The following CYP20A1 variants were observed in gnomAD, a reference collection of about 807,000 sequenced individuals.
The protein encoded by CYP20A1 is cytochrome P450 20A1.
Under a neutral mutation model 61.4 loss-of-function variants are expected in CYP20A1, and 61 were observed. The ratio of observed to expected loss-of-function variants is 0.99; its 90% CI spans 0.81 to 1.23. CYP20A1 has a LOEUF of 1.23. Among genes scored for constraint, CYP20A1 ranks in the 50% most tolerant of loss-of-function variants. The pLI is 0.00. For missense variants in CYP20A1, 530 were observed against 542.4 expected (o/e 0.98, Z 0.23); for synonymous variants, 193 against 188.2 (o/e 1.03, Z -0.21).
intron 1 of CYP20A1, 43 bp from the exon 2 acceptor site, chr2:203,245,803 G>A: frequency 1.6e-6 from 2 of 1,226,032 alleles, no homozygotes; most frequent in South Asian, 2.6e-5. Context: ...TCTGACTTAT[G>A]GGATATATGA....
chr2:203,288,812 A>G (rs921596895), intron 9 of CYP20A1, among the ~76,000 whole-genome samples: 8 of 152,212 alleles, frequency 5.3e-5, no homozygotes, highest in East Asian at 3.8e-4. Context: ...GTGACACACA[A>G]CTTACCTGCT....
intron 11 of CYP20A1, among the ~76,000 whole-genome samples, chr2:203,295,220 C>T (rs1411103503): frequency 6.6e-6 from 1 of 151,804 alleles, no homozygotes; most frequent in South Asian, 2.1e-4. Flanking sequence ...GCTGGGATTA[C>T]AGGCGTGAGC....
chr2:203,290,327 A>C lies in CYP20A1; in HGVS notation c.1083+451A>C, dbSNP rs112871427. 7.4e-4 allele frequency among the ~76,000 whole-genome samples: 112 copies of C among 152,342 alleles called. 2 individuals are homozygous for C. The highest frequency in any genetic ancestry group is 3.4e-3 in the Middle Eastern group (1 of 294). The stretch of plus-strand genomic sequence containing the variant: ...ACACAATTATTTTAGTTACAAAATA[A>C]TATGTGCTTGTTTTAAAGTTCAAGC... On this transcript the variant is annotated intron_variant, in intron 10 of 12. Coordinates refer to ENST00000356079, the MANE Select transcript of CYP20A1 (RefSeq NM_177538.3).
chr2:203,294,940 A>ATTT (rs1559110323), intron 11 of CYP20A1, among the ~76,000 whole-genome samples: 5 of 91,230 alleles, frequency 5.5e-5, no homozygotes, highest in African/African-American at 2.2e-4. Flanking sequence ...CCTTTAAAAA[A>ATTT]ATTTTTTTTT....
intron 4 of CYP20A1, among the ~76,000 whole-genome samples, chr2:203,255,409 C>T (rs942135256): frequency 2.6e-5 from 4 of 152,182 alleles, no homozygotes; most frequent in African/African-American, 9.6e-5. Flanking sequence ...GATGCAAGGG[C>T]CAAAATTATT....
At chr2:203,265,527 GTCTT>G (rs1294275969) in intron 4 of CYP20A1, among the ~76,000 whole-genome samples, 3 of 151,926 alleles carry the variant, frequency 2.0e-5, no homozygotes, top group African/African-American at 2.4e-5. Flanking sequence ...CATTTTCTGT[GTCTT>G]TCTTTCAGAG....
At chr2:203,292,209 G>T in intron 10 of CYP20A1, 53 bp from the exon 11 acceptor site, 1 of 1,152,928 alleles carries the variant, frequency 8.7e-7, no homozygotes. Context: ...GACTTTCTAG[G>T]AGTCATTTTA....
intron 5 of CYP20A1, among the ~76,000 whole-genome samples, chr2:203,271,091 T>A (rs1380238658): frequency 2.0e-5 from 2 of 99,250 alleles, no homozygotes; most frequent in African/African-American, 7.0e-5. Flanking sequence ...TATTTTTTTT[T>A]TTTTTTTTTT....
At chr2:203,283,145 C>T (rs1206132641) in intron 8 of CYP20A1, among the ~76,000 whole-genome samples, 6 of 151,492 alleles carry the variant, frequency 4.0e-5, no homozygotes, top group Non-Finnish European at 5.9e-5. Flanking sequence ...CCACTGCACT[C>T]CAGCCTGGGT....
intron 9 of CYP20A1, among the ~76,000 whole-genome samples, chr2:203,288,570 A>ATC (rs1349671696): frequency 6.6e-6 from 1 of 152,152 alleles, no homozygotes; most frequent in Non-Finnish European, 1.5e-5. Context: ...GTAGCTCAGT[A>ATC]TCTAGCACAG....
At chr2:203,247,318 G>T (rs1055520228) in intron 3 of CYP20A1, among the ~76,000 whole-genome samples, 6 of 152,078 alleles carry the variant, frequency 3.9e-5, no homozygotes, top group African/African-American at 1.4e-4. Context: ...TATTGTTCTT[G>T]GATAGGAATA....
chr2:203,274,000 C>T (rs2067712078), intron 6 of CYP20A1, among the ~76,000 whole-genome samples: 1 of 151,926 alleles, frequency 6.6e-6, no homozygotes, highest in Non-Finnish European at 1.5e-5. Flanking sequence ...GCCATTATAA[C>T]ATTGAATAAA....
chr2:203,264,525 A>C (rs2067253326), intron 4 of CYP20A1, among the ~76,000 whole-genome samples: 1 of 151,960 alleles, frequency 6.6e-6, no homozygotes. Flanking sequence ...CTCTGTCATC[A>C]TAATTGGAGG....
rs966532648 is a variant in CYP20A1 at position 203,305,575 on chromosome 2, A to G, written c.*8667A>G. On this transcript the variant is annotated 3_prime_UTR_variant, in exon 13 of 13. Transcript: ENST00000356079. ...TAAATAGATCTTGTTATAGTATGTG[A>G]TAAAATGCCATGATCAAATAAATTA... 1 of 152,148 alleles carries G rather than the reference A, an allele frequency of 6.6e-6. No individual in the cohort carries two copies. Among genetic ancestry groups the G allele is most frequent in the Admixed American group, 6.6e-5 (1 of 15,244 alleles). The allele number at this position is 152,148 out of a possible 1,614,324, so 9.4% of individuals were successfully genotyped here. A position where few individuals can be genotyped will look rare whatever the true frequency, so the allele number is the denominator to read the frequency against.
intron 6 of CYP20A1, among the ~76,000 whole-genome samples, chr2:203,273,330 G>A (rs2067683793): frequency 1.3e-5 from 2 of 152,136 alleles, no homozygotes; most frequent in South Asian, 4.1e-4. Flanking sequence ...TAAGAAAGCA[G>A]TTTAATAATG....
At chr2:203,263,149 C>T (rs1173878665) in intron 4 of CYP20A1, among the ~76,000 whole-genome samples, 1 of 150,210 alleles carries the variant, frequency 6.7e-6, no homozygotes, top group Non-Finnish European at 1.5e-5. Context: ...CCACTATGCC[C>T]GGATAATTTT....
At chr2:203,252,810 C>T (rs1256301331) in intron 4 of CYP20A1, among the ~76,000 whole-genome samples, 4 of 152,140 alleles carry the variant, frequency 2.6e-5, no homozygotes, top group Admixed American at 6.5e-5. Flanking sequence ...ACACAGTCCA[C>T]GCTAAGAGAT....
At chr2:203,269,094 G>A (rs568354024) in intron 5 of CYP20A1, among the ~76,000 whole-genome samples, 22 of 152,150 alleles carry the variant, frequency 1.4e-4, no homozygotes, top group Non-Finnish European at 2.4e-4. Context: ...ACCAATATTA[G>A]TGTGCTCTTA....
chr2:203,267,541 A>C (rs78503498), intron 5 of CYP20A1, among the ~76,000 whole-genome samples: 2 of 141,236 alleles, frequency 1.4e-5, no homozygotes, highest in Non-Finnish European at 3.1e-5. Flanking sequence ...GTCTCACTCC[A>C]AAAAAAAAAA....
Sources: gnomAD v4.1 joint callset for allele counts (sites outside exome capture counted in the v4.1 genomes callset) on GRCh38, gnomAD v4.1.1 for gene constraint, MANE v1.5 for transcripts, NCBI Gene and HGNC (gene_info 2026-07-23, HGNC 2026-07-21) for gene names.